Variants in CNTNAP5 observed in about 807,000 individuals in gnomAD.
CNTNAP5 encodes contactin associated protein family member 5, also known as contactin-associated protein-like 5.
CNTNAP5 carries 72 observed loss-of-function variants against 150.2 expected under a neutral mutation model. That is an observed-to-expected ratio of 0.48 (90% confidence interval 0.40 to 0.58). The LOEUF (loss-of-function observed/expected upper bound fraction) is 0.58. CNTNAP5 is among the 20% of genes least tolerant of loss of function. The pLI, the probability that CNTNAP5 is intolerant of heterozygous loss-of-function variation, is 0.00. For synonymous variants in CNTNAP5, 672 were observed against 619.8 expected, an observed-to-expected ratio of 1.08 and a Z score of -1.25; for missense variants, 1,636 against 1,626.2, an observed-to-expected ratio of 1.01 and a Z score of -0.10.
intron 14 of CNTNAP5, 69 bp from the exon 15 acceptor site, chr2:124,763,603 G>T (rs1013473251): frequency 6.8e-7 from 1 of 1,475,036 alleles, no homozygotes. Context: ...TGAAAAGAGG[G>T]GTCATGGAAA....
chr2:124,876,470 G>A (rs1015910600), intron 21 of CNTNAP5, among the ~76,000 whole-genome samples: 2 of 151,724 alleles, frequency 1.3e-5, no homozygotes. Context: ...TAAGAGGAGA[G>A]AAGAGGGTGC....
At chr2:124,553,709 A>G (rs1204574777) in intron 10 of CNTNAP5, among the ~76,000 whole-genome samples, 1 of 152,194 alleles carries the variant, frequency 6.6e-6, no homozygotes, top group Non-Finnish European at 1.5e-5. Context: ...TTGGGTGAAC[A>G]ACTTGGCCAA....
At chr2:124,222,728 GTT>G (rs200668983) in intron 2 of CNTNAP5, among the ~76,000 whole-genome samples, 24,270 of 139,024 alleles carry the variant, frequency 0.17, 2,250 homozygotes, top group East Asian at 0.37. Context: ...TGGTCGTTGT[GTT>G]TTTTTTTTTT....
At chr2:124,176,648 A>T (rs1038331294) in intron 1 of CNTNAP5, among the ~76,000 whole-genome samples, 1 of 152,046 alleles carries the variant, frequency 6.6e-6, no homozygotes, top group Non-Finnish European at 1.5e-5. Context: ...CCAAACTTTG[A>T]TTGGACAAAT....
chr2:124,605,301 A>G (rs922799839), intron 11 of CNTNAP5, among the ~76,000 whole-genome samples: 4 of 152,194 alleles, frequency 2.6e-5, no homozygotes, highest in African/African-American at 7.2e-5. Flanking sequence ...TTGTTTTTAT[A>G]CAGCAAAAGA....
intron 1 of CNTNAP5, among the ~76,000 whole-genome samples, chr2:124,125,021 C>A (rs1399233036): frequency 2.0e-5 from 3 of 152,150 alleles, no homozygotes; most frequent in African/African-American, 7.2e-5. Flanking sequence ...AGCAAAACAA[C>A]CAGCTAAATC....
chr2:124,606,169 T>A (rs150581289), intron 11 of CNTNAP5, among the ~76,000 whole-genome samples: 110 of 152,270 alleles, frequency 7.2e-4, no homozygotes, highest in Non-Finnish European at 7.2e-4. Flanking sequence ...GTAATCACAT[T>A]ATAATATGTA....
At position 124,395,430 on chromosome 2, in the gene CNTNAP5, T is replaced by C. The variant is rs549653538; in HGVS notation, c.382-22013T>C. Reference sequence around the variant, plus strand: ...CAAAATGCCCAGAAACAGCATAGGATGTGACAAAAGACTGATGTGAAAACA... The same window carrying C: ...CAAAATGCCCAGAAACAGCATAGGACGTGACAAAAGACTGATGTGAAAACA... On this transcript the variant is annotated intron_variant, in intron 3 of 23. Transcript: ENST00000682447. 5.9e-5 allele frequency among the ~76,000 whole-genome samples: 9 copies of C among 152,232 alleles called. No individual in the cohort carries two copies. In the South Asian group the frequency reaches 1.9e-3, roughly 32 times the overall value.
At chr2:124,468,056 G>C (rs1693421908) in intron 6 of CNTNAP5, among the ~76,000 whole-genome samples, 1 of 152,064 alleles carries the variant, frequency 6.6e-6, no homozygotes, top group Non-Finnish European at 1.5e-5. Flanking sequence ...TGCCATTCAC[G>C]AGTCCCACCT....
intron 1 of CNTNAP5, among the ~76,000 whole-genome samples, chr2:124,207,427 A>T (rs1227236938): frequency 1.3e-5 from 2 of 152,222 alleles, no homozygotes; most frequent in African/African-American, 2.4e-5. Flanking sequence ...TTGTCAGACC[A>T]TTCAATTTGC....
At chr2:124,761,414 G>T (rs971340060) in intron 14 of CNTNAP5, among the ~76,000 whole-genome samples, 1 of 151,964 alleles carries the variant, frequency 6.6e-6, no homozygotes, top group African/African-American at 2.4e-5. Flanking sequence ...AGTCAGTGTG[G>T]GTTCCCATTA....
chr2:124,865,515 C>A, intron 20 of CNTNAP5, 79 bp downstream of exon 20: 1 of 1,311,496 alleles, frequency 7.6e-7, no homozygotes. Context: ...CTACCCCATG[C>A]CAGTGTAGTG....
chr2:124,571,596 G>A (rs1024402521), intron 11 of CNTNAP5, among the ~76,000 whole-genome samples: 1 of 123,576 alleles, frequency 8.1e-6, no homozygotes, highest in Non-Finnish European at 1.6e-5. Context: ...GCAGTGGTGC[G>A]ATCTTGGCTC....
intron 19 of CNTNAP5, among the ~76,000 whole-genome samples, chr2:124,826,033 G>T: frequency 6.6e-6 from 1 of 151,916 alleles, no homozygotes; most frequent in African/African-American, 2.4e-5. Context: ...ATTTTAGTAT[G>T]CTCTGTTTTT....
chr2:124,604,051 T>C (rs6737833), intron 11 of CNTNAP5, among the ~76,000 whole-genome samples: 40,102 of 152,096 alleles, frequency 0.26, 6,106 homozygotes, highest in Non-Finnish European at 0.34. Flanking sequence ...AGTAAAATCT[T>C]TTTTCCTTTT....
chr2:124,665,149 G>A (rs1573533470), intron 13 of CNTNAP5, among the ~76,000 whole-genome samples: 1 of 152,144 alleles, frequency 6.6e-6, no homozygotes, highest in African/African-American at 2.4e-5. Context: ...CCCAATAGAA[G>A]AATTGAAATC....
At chr2:124,614,297 G>C (rs980065634) in intron 12 of CNTNAP5, among the ~76,000 whole-genome samples, 4 of 152,090 alleles carry the variant, frequency 2.6e-5, no homozygotes, top group Admixed American at 1.3e-4. Context: ...TACCGCAAAG[G>C]GGTCCTGATC....
chr2:124,195,565 A>G (rs1457550144), intron 1 of CNTNAP5, among the ~76,000 whole-genome samples: 3 of 152,150 alleles, frequency 2.0e-5, no homozygotes, highest in Non-Finnish European at 4.4e-5. Flanking sequence ...CCCCTACTGT[A>G]GTTTGTAGTT....
At chr2:124,597,646 A>G (rs1696860811) in intron 11 of CNTNAP5, among the ~76,000 whole-genome samples, 1 of 149,660 alleles carries the variant, frequency 6.7e-6, no homozygotes, top group Admixed American at 6.7e-5. Context: ...CTCGAGGAGT[A>G]TCTTTGTGGC....
Sources: gnomAD v4.1 joint callset for allele counts (sites outside exome capture counted in the v4.1 genomes callset) on GRCh38, gnomAD v4.1.1 for gene constraint, MANE v1.5 for transcripts, NCBI Gene and HGNC (gene_info 2026-07-23, HGNC 2026-07-21) for gene names.